The following TRIM66 variants were observed in gnomAD, a reference collection of about 807,000 sequenced individuals.
TRIM66 encodes the protein tripartite motif containing 66.
In TRIM66, 99 loss-of-function variants were observed where a neutral mutation model predicts 148.2. The ratio of observed to expected loss-of-function variants is 0.67; its 90% CI spans 0.57 to 0.79. The LOEUF (loss-of-function observed/expected upper bound fraction) is 0.79, where lower values mean the gene tolerates loss of function less well. TRIM66 is among the 30% of genes least tolerant of loss of function. TRIM66 has a pLI of 0.00. For synonymous variants in TRIM66, 616 were observed against 635.9 expected (o/e 0.97, Z 0.47); for missense variants, 1,666 against 1,697.9 (o/e 0.98, Z 0.33).
intron 6 of TRIM66, among the ~76,000 whole-genome samples, chr11:8,665,731 G>A (rs1160096883): frequency 6.6e-6 from 1 of 152,134 alleles, no homozygotes; most frequent in Non-Finnish European, 1.5e-5. Flanking sequence ...GCCGAGGCGG[G>A]CAGATCAGGA....
chr11:8,649,683 T>C, intron 8 of TRIM66, 57 bp downstream of exon 8: 1 of 1,528,326 alleles, frequency 6.5e-7, no homozygotes, highest in Non-Finnish European at 8.8e-7. Context: ...CCAGGGATCT[T>C]AGGGTTCAGC....
Position 8,640,928 on chromosome 11 carries a change from G to C in TRIM66, c.1447C>G (p.Pro483Ala), listed in dbSNP as rs1298224975. The C allele has an allele frequency of 3.9e-6, 6 of 1,550,884 alleles. No individual in the cohort carries two copies. The highest frequency in any genetic ancestry group is 3.9e-5 in the Admixed American group (2 of 50,980). The change falls in exon 14 of 25, where the codon CCA (proline) becomes GCA (alanine). Residue 483 changes from proline (P) to alanine (A), a missense_variant. Coordinates refer to ENST00000646038, the MANE Select transcript of TRIM66 (RefSeq NM_001388022.1). ...VSPSLKGQVPPPSIHPAHSFR... is the reference protein window; with the variant it reads ...VSPSLKGQVPAPSIHPAHSFR... ...CTGTGGGCTGGGTGTATGCTGGGTG[G>C]GGGGACCTGGCCTTTGAGGGAAGGC...
At chr11:8,659,902 G>GT (rs1469948550) in intron 6 of TRIM66, among the ~76,000 whole-genome samples, 1 of 152,110 alleles carries the variant, frequency 6.6e-6, no homozygotes, top group African/African-American at 2.4e-5. Context: ...TTTTGAGACA[G>GT]TGTTTCATTC....
At chr11:8,661,265 G>A (rs2038233765) in intron 6 of TRIM66, among the ~76,000 whole-genome samples, 1 of 152,204 alleles carries the variant, frequency 6.6e-6, no homozygotes, top group Non-Finnish European at 1.5e-5. Context: ...GACTGGCTGG[G>A]GCTGGAGATG....
chr11:8,672,443 G>C, intron 4 of TRIM66, 58 bp from the exon 5 acceptor site: 1 of 1,442,894 alleles, frequency 6.9e-7, no homozygotes, highest in Non-Finnish European at 9.1e-7. Context: ...TTTATGACAG[G>C]CACTTTACAT....
chr11:8,628,052 G>A (rs1476982127), intron 15 of TRIM66, among the ~76,000 whole-genome samples: 1 of 152,086 alleles, frequency 6.6e-6, no homozygotes, highest in Non-Finnish European at 1.5e-5. Context: ...GGCTGGTCTT[G>A]AACTCCTAGG....
intron 6 of TRIM66, among the ~76,000 whole-genome samples, chr11:8,668,265 T>G (rs540114510): frequency 5.7e-4 from 79 of 137,660 alleles, no homozygotes; most frequent in African/African-American, 2.1e-3. Context: ...TAAAATCAGG[T>G]TTTTTTTTTT....
At chr11:8,658,163 C>G (rs1389323979) in intron 6 of TRIM66, among the ~76,000 whole-genome samples, 1 of 152,226 alleles carries the variant, frequency 6.6e-6, no homozygotes, top group Non-Finnish European at 1.5e-5. Flanking sequence ...CTGAGATACT[C>G]CTGCAAGAAA....
intron 15 of TRIM66, among the ~76,000 whole-genome samples, chr11:8,635,449 C>T (rs1253287326): frequency 1.3e-5 from 2 of 152,188 alleles, no homozygotes; most frequent in Non-Finnish European, 2.9e-5. Context: ...CCCTGCCCAA[C>T]CCCAGCTCCA....
In TRIM66 at chr11:8,643,243, T is replaced by C. The variant is rs562501923; in HGVS notation, c.1105-117A>G. On this transcript the variant is annotated intron_variant, in intron 12 of 24. Transcript: ENST00000646038. ...AAAGTCATGGCCCTTTAACCTCTGG[T>C]CATCCTCCATATTCTCATTCTCTTG... is the stretch of plus-strand genomic sequence containing the variant. 1.4e-4 allele frequency: 104 copies of C among 737,146 alleles called. No individual in the cohort carries two copies. The African/African-American group carries it at 1.6e-3, about 11-fold the overall frequency. The allele number at this position is 737,146 out of a possible 1,614,324, so 45.7% of individuals were successfully genotyped here.
chr11:8,627,950 G>A (rs10769934), intron 15 of TRIM66, among the ~76,000 whole-genome samples: 1 of 152,108 alleles, frequency 6.6e-6, no homozygotes, highest in Non-Finnish European at 1.5e-5. Flanking sequence ...CACCTCAGCC[G>A]CCAGAGTAGC....
At chr11:8,665,337 G>T (rs1004193216) in intron 6 of TRIM66, among the ~76,000 whole-genome samples, 1 of 152,212 alleles carries the variant, frequency 6.6e-6, no homozygotes, top group Non-Finnish European at 1.5e-5. Flanking sequence ...CAGCTGATTT[G>T]GGAGCCATTC....
intron 20 of TRIM66, 81 bp from the exon 21 acceptor site, chr11:8,620,653 C>T (rs1366404755): frequency 2.8e-5 from 42 of 1,493,812 alleles, no homozygotes; most frequent in African/African-American, 8.4e-5. Context: ...CTATGGCAGG[C>T]GTGAGAAACT....
chr11:8,677,827 T>C (rs2039247826), intron 3 of TRIM66, among the ~76,000 whole-genome samples: 1 of 152,328 alleles, frequency 6.6e-6, no homozygotes, highest in East Asian at 1.9e-4. Context: ...TAGTTTCCAA[T>C]AAAGCTTTAG....
chr11:8,645,891 G>T lies in TRIM66; in HGVS notation c.958-4C>A. ...GCTTTCTCTCATTAGTAATCCCCTGGGTACAGAGAGAAGACAGAGTCCTTG... is the reference window on the plus strand; with the variant it reads ...GCTTTCTCTCATTAGTAATCCCCTGTGTACAGAGAGAAGACAGAGTCCTTG... On this transcript the variant is annotated splice_polypyrimidine_tract_variant and splice_region_variant and intron_variant, in intron 11 of 24. Coordinates refer to ENST00000646038, the MANE Select transcript of TRIM66 (RefSeq NM_001388022.1). 6.4e-7 allele frequency: 1 copy of T among 1,551,370 alleles called. No homozygotes were observed. The highest frequency in any genetic ancestry group is 2.0e-5 in the Admixed American group (1 of 50,996).
chr11:8,621,070 G>C lies in TRIM66; in HGVS notation c.3507C>G (p.His1169Gln). The C allele has an allele frequency of 6.4e-7, 1 of 1,551,728 alleles. No homozygotes were observed. The highest frequency in any genetic ancestry group is 8.7e-7 in the Non-Finnish European group (1 of 1,146,984). The change falls in exon 20 of 25, where the codon CAC becomes CAG. Residue 1169 changes from histidine (H) to glutamine (Q), a missense_variant. Physicochemically the swap from His to Gln is conservative, Grantham distance 24. Around this residue, in one of 3 missense-constraint regions of TRIM66, gnomAD observed 1,431 missense variants for 1,412.4 expected, o/e 1.01. Transcript: ENST00000646038. ...LCCDRCPKVF[H>Q]LSCHVPALLS... ...GCAAGGCTGGCACATGGCAGGAGAG[G>C]TGGAACACTTTGGGGCAGCGGTCAC...
In TRIM66 at chr11:8,682,629, C is replaced by A; in HGVS notation, c.-576G>T. On this transcript the variant is annotated 5_prime_UTR_variant, in exon 1 of 25. Transcript: ENST00000646038. ...AACCGTACACCGCCACCAGGACACT[C>A]CGTGATGGGGGATCACCACCCTCAG... The A allele has an allele frequency of 1.0e-5, 7 of 686,786 alleles. No individual in the cohort carries two copies. Among genetic ancestry groups the A allele is most frequent in the South Asian group, 6.5e-5 (4 of 61,538 alleles). The allele number at this position is 686,786 out of a possible 1,614,324, so 42.5% of individuals were successfully genotyped here.
chr11:8,682,038 A>G (rs946189376), intron 1 of TRIM66, among the ~76,000 whole-genome samples: 4 of 152,202 alleles, frequency 2.6e-5, no homozygotes, highest in Admixed American at 2.6e-4. Flanking sequence ...TTGGGACTAC[A>G]GGTGTGAGCC....
intron 14 of TRIM66, among the ~76,000 whole-genome samples, chr11:8,639,114 G>A (rs2036151146): frequency 6.6e-6 from 1 of 152,142 alleles, no homozygotes; most frequent in Non-Finnish European, 1.5e-5. Flanking sequence ...GGCCCTCTAT[G>A]AACCCTAGAC....
Sources: allele counts gnomAD v4.1 joint callset (sites outside exome capture counted in the v4.1 genomes callset), GRCh38; gene constraint gnomAD v4.1.1; regional missense constraint gnomAD v4.1.1; transcripts MANE v1.5; gene names NCBI Gene and HGNC (gene_info 2026-07-23, HGNC 2026-07-21).